The following GNG7 variants were observed in gnomAD, a reference collection of about 807,000 sequenced individuals.
GNG7 encodes the protein G protein subunit gamma 7.
A neutral mutation model predicts 4.0 loss-of-function variants in GNG7; 1 was observed. The ratio of observed to expected loss-of-function variants is 0.25; its 90% CI spans 0.09 to 1.18. The LOEUF is 1.18. Ranked by LOEUF, GNG7 falls within the 50% of genes most tolerant of loss-of-function variation. The pLI, the probability that GNG7 is intolerant of heterozygous loss-of-function variation, is 0.50. For missense variants in GNG7, 86 were observed against 91.9 expected (o/e 0.94, Z 0.26); for synonymous variants, 34 against 36.9 (o/e 0.92, Z 0.29).
At chr19:2,593,742 TAA>T (rs753627960) in intron 2 of GNG7, among the ~76,000 whole-genome samples, 9 of 135,030 alleles carry the variant, frequency 6.7e-5, no homozygotes, top group Non-Finnish European at 6.4e-5. Context: ...AGACTCCATC[TAA>T]AAAAAAAAAA....
At chr19:2,696,727 T>C (rs8106754) in intron 1 of GNG7, among the ~76,000 whole-genome samples, 2,543 of 152,242 alleles carry the variant, frequency 0.017, 69 homozygotes, top group African/African-American at 0.058. Flanking sequence ...CCACACAGTG[T>C]GTGACCCATT....
intron 2 of GNG7, among the ~76,000 whole-genome samples, chr19:2,581,877 C>T (rs1203705924): frequency 7.9e-5 from 12 of 152,150 alleles, no homozygotes; most frequent in Admixed American, 7.9e-4. Flanking sequence ...TGGGAGGGGA[C>T]AGGGAGGTGA....
At chr19:2,684,367 C>T (rs1371087552) in intron 1 of GNG7, among the ~76,000 whole-genome samples, 3 of 151,604 alleles carry the variant, frequency 2.0e-5, no homozygotes, top group Admixed American at 1.3e-4. Flanking sequence ...GATCTCTTGA[C>T]CTCGTGATCC....
chr19:2,650,707 G>A (rs1325074010), intron 1 of GNG7, among the ~76,000 whole-genome samples: 2 of 152,162 alleles, frequency 1.3e-5, no homozygotes, highest in Non-Finnish European at 1.5e-5. Flanking sequence ...TCTGTCCTCG[G>A]GCCTTGAGCC....
chr19:2,647,690 C>G (rs1485607549), intron 1 of GNG7, among the ~76,000 whole-genome samples: 1 of 151,998 alleles, frequency 6.6e-6, no homozygotes, highest in Non-Finnish European at 1.5e-5. Flanking sequence ...TGCACTCCAG[C>G]CTAGGCAACA....
At chr19:2,679,073 G>A (rs8104152) in intron 1 of GNG7, among the ~76,000 whole-genome samples, 46,005 of 151,884 alleles carry the variant, frequency 0.3, 7,812 homozygotes, top group East Asian at 0.56. Flanking sequence ...TTTTTGAGAC[G>A]GGATCTTGCT....
intron 2 of GNG7, among the ~76,000 whole-genome samples, chr19:2,588,422 C>T (rs552206697): frequency 5.9e-5 from 9 of 152,342 alleles, no homozygotes; most frequent in East Asian, 1.9e-4. Flanking sequence ...CAGACCTTAA[C>T]GCACGTCATG....
At chr19:2,667,106 G>A (rs912021354) in intron 1 of GNG7, among the ~76,000 whole-genome samples, 8 of 152,132 alleles carry the variant, frequency 5.3e-5, no homozygotes, top group African/African-American at 1.7e-4. Context: ...GATCACTTGA[G>A]GTCAGGAGTT....
intron 3 of GNG7, among the ~76,000 whole-genome samples, chr19:2,525,936 A>C (rs1383849485): frequency 1.5e-5 from 2 of 134,374 alleles, no homozygotes; most frequent in Non-Finnish European, 1.5e-5. Context: ...CAGCCTCCCG[A>C]GTGGCTGGGA....
chr19:2,654,750 T>C (rs1181801446), intron 1 of GNG7, among the ~76,000 whole-genome samples: 1 of 113,960 alleles, frequency 8.8e-6, no homozygotes, highest in Non-Finnish European at 2.0e-5. Context: ...ATTCAATTAT[T>C]TTTTTCGAAA....
chr19:2,528,910 A>G (rs967309159), intron 3 of GNG7, among the ~76,000 whole-genome samples: 8 of 152,166 alleles, frequency 5.3e-5, no homozygotes, highest in Non-Finnish European at 1.0e-4. Flanking sequence ...CCAAATATAA[A>G]CACAGCTGCT....
At chr19:2,542,072 C>T (rs534187271) in intron 3 of GNG7, among the ~76,000 whole-genome samples, 1 of 147,828 alleles carries the variant, frequency 6.8e-6, no homozygotes, top group African/African-American at 2.5e-5. Context: ...ACAGTCGGGC[C>T]TTGGCTAGGC....
intron 3 of GNG7, among the ~76,000 whole-genome samples, chr19:2,554,936 C>T (rs570703978): frequency 2.6e-5 from 4 of 152,268 alleles, no homozygotes; most frequent in African/African-American, 9.6e-5. Flanking sequence ...CCACTGCAGA[C>T]AGTTGACGCG....
chr19:2,659,858 G>A (rs926442046), intron 1 of GNG7, among the ~76,000 whole-genome samples: 10 of 152,026 alleles, frequency 6.6e-5, no homozygotes, highest in African/African-American at 2.4e-4. Context: ...ATTTATGACT[G>A]GATCCCCTTC....
rs542421155 is a variant in GNG7, at chr19:2,524,463, C to T, written c.-37-3738G>A. Among the ~76,000 whole-genome samples the T allele has an allele frequency of 1.2e-4, 19 of 152,200 alleles. 1 individual carries two copies. The highest frequency in any genetic ancestry group is 1.2e-3 in the East Asian group (6 of 5,176). ...CACATGTGCATGTATGTGTACCTTG[C>T]GTGTGCATGTATGTGTGTATGTGTA... On this transcript the variant is annotated intron_variant, in intron 3 of 4. Transcript: ENST00000382159.
rs1568268997 is a variant in GNG7 at position 2,634,384 on chromosome 19, C to CGGGGTTG, written c.-78+11833_-78+11839dup. Among the ~76,000 whole-genome samples the CGGGGTTG allele has an allele frequency of 6.6e-6, 1 of 152,052 alleles. No homozygotes were observed. Among genetic ancestry groups the CGGGGTTG allele is most frequent in the East Asian group, 1.9e-4 (1 of 5,190 alleles). On this transcript the variant is annotated intron_variant, in intron 2 of 4. Coordinates refer to ENST00000382159, the MANE Select transcript of GNG7 (RefSeq NM_052847.3). The surrounding 1 kb of genome is among the most constrained non-coding windows in gnomAD (Gnocchi z 5.3). ...TGTCCCAGAAATTGCTCAGTGTCCC[C>CGGGGTTG]GGGGTTGGGGGTGGGGGGCGGCATC... is the stretch of plus-strand genomic sequence containing the variant.
In GNG7 at chr19:2,687,207, G is replaced by A. The variant is rs976735331; in HGVS notation, c.-135+15439C>T. On this transcript the variant is annotated intron_variant, in intron 1 of 4. Transcript: ENST00000382159. ...CGAGTAGCTGGGATTACAGGCATGC[G>A]CCACTATACTCAGTTAATTTTTTTC... Among the ~76,000 whole-genome samples the A allele has an allele frequency of 4.6e-5, 7 of 152,014 alleles. No individual in the cohort carries two copies. The South Asian group carries it at 6.2e-4, about 14-fold the overall frequency.
rs560364110 is a variant in GNG7 at position 2,646,784 on chromosome 19, T to C, written c.-134-504A>G. On this transcript the variant is annotated intron_variant, in intron 1 of 4. Coordinates refer to ENST00000382159, the MANE Select transcript of GNG7 (RefSeq NM_052847.3). ...CGTTATTCCTAATACATTTTCCACG[T>C]GTTTGAAAACTGAACTGAGTGCAAG... is the stretch of plus-strand genomic sequence containing the variant. 2.0e-5 allele frequency among the ~76,000 whole-genome samples: 3 copies of C among 152,352 alleles called. No individual in the cohort carries two copies. In the South Asian group the frequency reaches 6.2e-4, roughly 32 times the overall value.
intron 2 of GNG7, among the ~76,000 whole-genome samples, chr19:2,561,901 G>A (rs1378157581): frequency 6.6e-6 from 1 of 151,868 alleles, no homozygotes; most frequent in Non-Finnish European, 1.5e-5. Context: ...AAATGACACT[G>A]GCTTCTTTCT....
Sources: allele counts gnomAD v4.1 joint callset (sites outside exome capture counted in the v4.1 genomes callset), GRCh38; gene constraint gnomAD v4.1.1; non-coding constraint Gnocchi (gnomAD v3.1); transcripts MANE v1.5; gene names NCBI Gene and HGNC (gene_info 2026-07-23, HGNC 2026-07-21).